The following STK33 variants were observed in gnomAD, a reference collection of about 807,000 sequenced individuals.
STK33 encodes the protein serine/threonine-protein kinase 33.
Under a neutral mutation model 58.0 loss-of-function variants are expected in STK33, and 52 were observed. The observed-to-expected ratio is 0.90, with a 90% CI of 0.72 to 1.13. STK33 has a LOEUF of 1.13. Ranked by LOEUF, STK33 falls within the 50% of genes most tolerant of loss-of-function variation. The pLI is 0.00. For synonymous variants in STK33, 215 were observed against 200.1 expected (o/e 1.07, Z -0.63); for missense variants, 630 against 604.2 (o/e 1.04, Z -0.45).
intron 15 of STK33, among the ~76,000 whole-genome samples, chr11:8,398,182 A>G (rs1436584462): frequency 2.0e-5 from 3 of 152,228 alleles, no homozygotes; most frequent in Non-Finnish European, 4.4e-5. Flanking sequence ...AGTTGAAATG[A>G]AGGAAAAAAT....
At chr11:8,433,198 C>G (rs954279782) in intron 14 of STK33, among the ~76,000 whole-genome samples, 3 of 152,096 alleles carry the variant, frequency 2.0e-5, no homozygotes, top group African/African-American at 4.8e-5. Context: ...GCAACACATT[C>G]ATGGAAGAGG....
chr11:8,355,315 C>A, the STK33 span, among the ~76,000 whole-genome samples: 1 of 152,088 alleles, frequency 6.6e-6, no homozygotes, highest in Admixed American at 6.5e-5. Context: ...TACGGCACAC[C>A]TGACTGTTGT....
At chr11:8,551,061 C>A (rs568943692) in intron 1 of STK33, among the ~76,000 whole-genome samples, 26 of 152,060 alleles carry the variant, frequency 1.7e-4, no homozygotes, top group South Asian at 1.5e-3. Context: ...CAAGGAAGGG[C>A]AAGTCATATT....
At chr11:8,398,074 A>T (rs1393612290) in intron 15 of STK33, among the ~76,000 whole-genome samples, 1 of 152,244 alleles carries the variant, frequency 6.6e-6, no homozygotes, top group African/African-American at 2.4e-5. Flanking sequence ...CAATCTAGCA[A>T]GGCAGGCCAA....
intron 14 of STK33, among the ~76,000 whole-genome samples, chr11:8,427,689 T>C (rs1942942101): frequency 6.6e-6 from 1 of 152,196 alleles, no homozygotes; most frequent in African/African-American, 2.4e-5. Flanking sequence ...AATCTGATCA[T>C]CTAGTTTTAA....
chr11:8,394,045 T>C (rs1365108285), intron 15 of STK33, among the ~76,000 whole-genome samples: 1 of 152,232 alleles, frequency 6.6e-6, no homozygotes, highest in Admixed American at 6.5e-5. Flanking sequence ...AAAATTTTAA[T>C]TTCTATAAAA....
chr11:8,517,210 C>A (rs1420124558), intron 1 of STK33, among the ~76,000 whole-genome samples: 1 of 152,310 alleles, frequency 6.6e-6, no homozygotes, highest in Non-Finnish European at 1.5e-5. Context: ...TGGTGATACC[C>A]AAGCAAACAG....
chr11:8,510,539 C>G (rs866816573), intron 1 of STK33, among the ~76,000 whole-genome samples: 4 of 151,978 alleles, frequency 2.6e-5, no homozygotes, highest in African/African-American at 4.8e-5. Flanking sequence ...GTTCTCGTTG[C>G]GTTTGCTTTT....
chr11:8,381,190 A>G, the STK33 span, among the ~76,000 whole-genome samples: 1 of 152,194 alleles, frequency 6.6e-6, no homozygotes, highest in African/African-American at 2.4e-5. Flanking sequence ...GGTGCACTCA[A>G]ATCTCAGATT....
intron 11 of STK33, among the ~76,000 whole-genome samples, chr11:8,450,752 T>C (rs866340950): frequency 1.3e-5 from 2 of 152,072 alleles, no homozygotes; most frequent in South Asian, 2.1e-4. Context: ...TGCTGACAAA[T>C]TGAATAATGC....
chr11:8,558,513 T>G (rs1185601350), intron 1 of STK33, among the ~76,000 whole-genome samples: 1 of 152,000 alleles, frequency 6.6e-6, no homozygotes, highest in Admixed American at 6.6e-5. Flanking sequence ...GAAAAAAACC[T>G]GAAGTTTACT....
At chr11:8,437,988 A>G (rs765284459) in intron 12 of STK33, among the ~76,000 whole-genome samples, 27 of 152,230 alleles carry the variant, frequency 1.8e-4, no homozygotes, top group Non-Finnish European at 3.1e-4. Flanking sequence ...AATAGCCAGA[A>G]AAATGGCCTT....
chr11:8,580,859 G>A (rs1179066011), intron 1 of STK33: 1 of 152,014 alleles, frequency 6.6e-6, no homozygotes, highest in African/African-American at 2.4e-5. Flanking sequence ...CTGAATTCCA[G>A]CTACTACCAT....
At position 8,571,896 on chromosome 11, in the gene STK33, TAAAA is replaced by T. The variant is rs1160298732; in HGVS notation, c.-466+22183_-466+22186del. Among the ~76,000 whole-genome samples the T allele has an allele frequency of 2.9e-3, 382 of 133,984 alleles. 1 individual carries two copies. Among genetic ancestry groups the T allele is most frequent in the African/African-American group, 9.3e-3 (337 of 36,222 alleles). The allele number at this position is 133,984 out of a possible 152,430, so 87.9% of individuals were successfully genotyped here. On this transcript the variant is annotated intron_variant, in intron 1 of 15. Transcript: ENST00000687296. ...TTTTACCACAATAAAAAAAAAATTT[TAAAA>T]AAATTTAAATTAAAATTAAATTTTA...
chr11:8,354,513 C>T, the STK33 span, among the ~76,000 whole-genome samples: 2 of 144,018 alleles, frequency 1.4e-5, no homozygotes, highest in Non-Finnish European at 3.2e-5. Context: ...CACACACACA[C>T]ACACCCCTCA....
At chr11:8,557,776 G>GA (rs376138159) in intron 1 of STK33, among the ~76,000 whole-genome samples, 20 of 143,986 alleles carry the variant, frequency 1.4e-4, no homozygotes, top group African/African-American at 3.3e-4. Flanking sequence ...ACTAAGCTTT[G>GA]AAAAAAAAAA....
intron 1 of STK33, among the ~76,000 whole-genome samples, chr11:8,576,283 G>A (rs1268491388): frequency 6.6e-6 from 1 of 152,180 alleles, no homozygotes; most frequent in Non-Finnish European, 1.5e-5. Flanking sequence ...AGAAAGAACA[G>A]TTCAGGTTCC....
At chr11:8,502,764 A>T (rs904754530) in intron 1 of STK33, among the ~76,000 whole-genome samples, 1 of 152,230 alleles carries the variant, frequency 6.6e-6, no homozygotes, top group African/African-American at 2.4e-5. Context: ...CAGAATCTAT[A>T]AGGAACTTAA....
chr11:8,450,927 C>T (rs1946199374), intron 11 of STK33, among the ~76,000 whole-genome samples: 2 of 152,078 alleles, frequency 1.3e-5, no homozygotes, highest in Admixed American at 1.3e-4. Flanking sequence ...ATATGAATGC[C>T]TAGTAAGCAC....
Sources: allele counts gnomAD v4.1 joint callset (sites outside exome capture counted in the v4.1 genomes callset), GRCh38; gene constraint gnomAD v4.1.1; transcripts MANE v1.5; gene names NCBI Gene and HGNC (gene_info 2026-07-23, HGNC 2026-07-21).